The following LRFN2 variants were observed in gnomAD, a reference collection of about 807,000 sequenced individuals.
LRFN2 encodes leucine-rich repeat and fibronectin type-III domain-containing protein 2.
LRFN2 carries 18 observed loss-of-function variants against 37.3 expected under a neutral mutation model. The ratio of observed to expected loss-of-function variants is 0.48; its 90% CI spans 0.33 to 0.72. The LOEUF (loss-of-function observed/expected upper bound fraction) is 0.72, where lower values mean the gene tolerates loss of function less well. Among genes scored for constraint, LRFN2 ranks in the 30% least tolerant of loss-of-function variants. LRFN2 has a pLI of 0.02. For synonymous variants in LRFN2, 556 were observed against 466.6 expected (o/e 1.19, Z -2.47); for missense variants, 1,006 against 1,060.7 (o/e 0.95, Z 0.72).
chr6:40,549,488 A>G (rs1374492268), intron 1 of LRFN2, among the ~76,000 whole-genome samples: 2 of 152,384 alleles, frequency 1.3e-5, no homozygotes, highest in Admixed American at 6.5e-5. Flanking sequence ...GTAAGGTCCT[A>G]CAACAAAAAG....
At chr6:40,537,859 C>T (rs971946514) in intron 1 of LRFN2, among the ~76,000 whole-genome samples, 1 of 152,072 alleles carries the variant, frequency 6.6e-6, no homozygotes, top group African/African-American at 2.4e-5. Flanking sequence ...GGACCCCTCC[C>T]AGCCCCTTTA....
chr6:40,552,062 C>T (rs2113923282), intron 1 of LRFN2, among the ~76,000 whole-genome samples: 1 of 152,300 alleles, frequency 6.6e-6, no homozygotes, highest in African/African-American at 2.4e-5. Context: ...TATTCCCACA[C>T]CAGGGGCTAT....
rs549968290 is a variant in LRFN2, at chr6:40,391,839, C to T, written c.*104G>A. Reference sequence around the variant, plus strand: ...CCATTGACAGGGAGACGAAACTGTCCCTGGATGTAAACATCACCATGGAAA... The same window carrying T: ...CCATTGACAGGGAGACGAAACTGTCTCTGGATGTAAACATCACCATGGAAA... On this transcript the variant is annotated 3_prime_UTR_variant, in exon 3 of 3. Coordinates refer to ENST00000338305, the MANE Select transcript of LRFN2 (RefSeq NM_020737.3). The T allele has an allele frequency of 1.4e-5, 18 of 1,266,598 alleles. No individual in the cohort carries two copies. Among genetic ancestry groups the T allele is most frequent in the South Asian group, 1.7e-5 (1 of 58,784 alleles). The allele number at this position is 1,266,598 out of a possible 1,614,324, so 78.5% of individuals were successfully genotyped here.
Position 40,524,588 on chromosome 6 carries a change from G to A in LRFN2, c.-19+62353C>T, listed in dbSNP as rs529829756. Among the ~76,000 whole-genome samples, 22 of 152,216 alleles carry A rather than the reference G, an allele frequency of 1.4e-4. No homozygotes were observed. In the South Asian group the frequency reaches 2.3e-3, roughly 16 times the overall value. On this transcript the variant is annotated intron_variant, in intron 1 of 2. Coordinates refer to ENST00000338305, the MANE Select transcript of LRFN2 (RefSeq NM_020737.3). ...GCTCACGCAGGCAGGGGGCCGAGGC[G>A]CTCCTTCTCACTCACTCTGTTGGCA...
rs1004863234 is a variant in LRFN2 at position 40,407,192 on chromosome 6, G to C, written c.1401-14280C>G. ...CCTGCCTCTCTCTCTCTCATTCTGT[G>C]TATGTGTGTGTGTCCTCATTCAGGT... is the stretch of plus-strand genomic sequence containing the variant. On this transcript the variant is annotated intron_variant, in intron 2 of 2. Coordinates refer to ENST00000338305, the MANE Select transcript of LRFN2 (RefSeq NM_020737.3). Among the ~76,000 whole-genome samples, 8 of 152,346 alleles carry C rather than the reference G, an allele frequency of 5.3e-5. No homozygotes were observed. The South Asian group carries it at 1.7e-3, about 32-fold the overall frequency.
intron 1 of LRFN2, among the ~76,000 whole-genome samples, chr6:40,504,449 A>G (rs890656919): frequency 2.0e-5 from 3 of 152,192 alleles, no homozygotes; most frequent in Non-Finnish European, 4.4e-5. Flanking sequence ...CGGTCACAAC[A>G]AAGTAACCAC....
At chr6:40,518,420 G>A (rs2235705) in intron 1 of LRFN2, among the ~76,000 whole-genome samples, 75,194 of 151,922 alleles carry the variant, frequency 0.49, 18,955 homozygotes, top group Middle Eastern at 0.61. Flanking sequence ...AAGCTCACCC[G>A]GCTTAGTGAA....
At chr6:40,406,738 G>C (rs1286014072) in intron 2 of LRFN2, among the ~76,000 whole-genome samples, 1 of 152,192 alleles carries the variant, frequency 6.6e-6, no homozygotes, top group African/African-American at 2.4e-5. Context: ...GAACAAGCCT[G>C]TTTCTTTCTT....
At chr6:40,428,864 GAGA>G (rs780941312) in intron 2 of LRFN2, among the ~76,000 whole-genome samples, 4 of 152,150 alleles carry the variant, frequency 2.6e-5, no homozygotes, top group Non-Finnish European at 5.9e-5. Flanking sequence ...TCTTCTTAAA[GAGA>G]AGACTGAATT....
intron 1 of LRFN2, among the ~76,000 whole-genome samples, chr6:40,577,101 T>A (rs1000114807): frequency 7.2e-6 from 1 of 139,386 alleles, no homozygotes; most frequent in Non-Finnish European, 1.6e-5. Context: ...TTCTTTTCTT[T>A]TCCTTTCTTT....
rs146800377 is a variant in LRFN2, at chr6:40,503,155, A to T, written c.-18-70024T>A. On this transcript the variant is annotated intron_variant, in intron 1 of 2. Transcript: ENST00000338305. ...CACGAGGGCCAGGTCTCGGATATGG[A>T]GATGATCTCACAAACAACAGAAAAC... Among the ~76,000 whole-genome samples the T allele has an allele frequency of 1.2e-3, 186 of 152,286 alleles. 1 individual carries two copies. The highest frequency in any genetic ancestry group is 4.4e-3 in the African/African-American group (182 of 41,564).
intron 1 of LRFN2, among the ~76,000 whole-genome samples, chr6:40,550,640 A>T (rs533094427): frequency 4.4e-4 from 67 of 152,310 alleles, no homozygotes; most frequent in African/African-American, 1.6e-3. Context: ...GTGGCTTTCC[A>T]ATTTTACTAT....
intron 1 of LRFN2, among the ~76,000 whole-genome samples, chr6:40,446,230 G>A (rs1040215941): frequency 1.3e-5 from 2 of 152,240 alleles, no homozygotes; most frequent in African/African-American, 4.8e-5. Flanking sequence ...CAAGGCTGGG[G>A]TGTAGTCTGG....
Position 40,392,432 on chromosome 6 carries a change from C to A in LRFN2, c.1881G>T (p.Leu627=), listed in dbSNP as rs557447026. 84 of 1,567,248 alleles carry A rather than the reference C, an allele frequency of 5.4e-5. No homozygotes were observed. Among genetic ancestry groups the A allele is most frequent in the Non-Finnish European group, 2.6e-6 (3 of 1,156,050 alleles). ...CCAGCCCCGCAGCCTCCCCACTGCC[C>A]AGGGAGCTGGAGGAAGAGGAGTCAC... is the stretch of plus-strand genomic sequence containing the variant. ...RASDSSSSSS[L]GSGEAAGLGR... is the part of the protein sequence containing the mutation. The change falls in exon 3 of 3, where the codon CTG becomes CTT. Residue 627 remains leucine, a synonymous_variant. Transcript: ENST00000338305. This position sits in a 1 kb window ranked among gnomAD's most constrained non-coding sequence, Gnocchi z 4.7.
At chr6:40,492,477 G>A (rs972823183) in intron 1 of LRFN2, among the ~76,000 whole-genome samples, 11 of 152,226 alleles carry the variant, frequency 7.2e-5, no homozygotes, top group Non-Finnish European at 7.3e-5. Flanking sequence ...ACAAGAGATG[G>A]ATCTGGCGTA....
intron 1 of LRFN2, among the ~76,000 whole-genome samples, chr6:40,435,014 CATAT>C (rs368583078): frequency 0.043 from 2,045 of 47,706 alleles, 21 homozygotes; most frequent in Middle Eastern, 0.071. Context: ...AATGGTTTTA[CATAT>C]ATATATATAT....
chr6:40,514,512 G>C (rs906845959), intron 1 of LRFN2, among the ~76,000 whole-genome samples: 10 of 151,900 alleles, frequency 6.6e-5, no homozygotes, highest in African/African-American at 2.4e-4. Flanking sequence ...ACAGGGTTTT[G>C]CCATGTTGAC....
At chr6:40,463,772 G>A (rs745827518) in intron 1 of LRFN2, among the ~76,000 whole-genome samples, 1 of 149,370 alleles carries the variant, frequency 6.7e-6, no homozygotes, top group Non-Finnish European at 1.5e-5. Flanking sequence ...AACCTCTTGG[G>A]CTGAAGTGAT....
intron 2 of LRFN2, among the ~76,000 whole-genome samples, chr6:40,424,209 C>G (rs1212133195): frequency 3.9e-5 from 6 of 152,092 alleles, no homozygotes; most frequent in Admixed American, 3.9e-4. Flanking sequence ...CACTGGCACC[C>G]CTGTTTCCCC....
Sources: allele counts gnomAD v4.1 joint callset (sites outside exome capture counted in the v4.1 genomes callset), GRCh38; gene constraint gnomAD v4.1.1; non-coding constraint Gnocchi (gnomAD v3.1); transcripts MANE v1.5; gene names NCBI Gene and HGNC (gene_info 2026-07-23, HGNC 2026-07-21).